The following CLSTN1 variants were observed in gnomAD, a reference collection of about 807,000 sequenced individuals.
CLSTN1 encodes the protein calsyntenin 1, also known as calsyntenin-1.
Under a neutral mutation model 108.3 loss-of-function variants are expected in CLSTN1, and 28 were observed. The ratio of observed to expected loss-of-function variants is 0.26; its 90% CI spans 0.19 to 0.35. CLSTN1 has a LOEUF of 0.35. Ranked by LOEUF, CLSTN1 falls within the 10% of genes least tolerant of loss-of-function variation. The pLI is 1.00. For missense variants in CLSTN1, 1,157 were observed against 1,302.6 expected (o/e 0.89, Z 1.72); for synonymous variants, 524 against 534.9 (o/e 0.98, Z 0.28).
intron 1 of CLSTN1, among the ~76,000 whole-genome samples, chr1:9,819,651 C>T (rs925968601): frequency 2.0e-5 from 3 of 152,046 alleles, no homozygotes; most frequent in African/African-American, 4.8e-5. Context: ...AGCCAAAGGA[C>T]GAATTCCAGC....
Position 9,735,532 on chromosome 1 carries a change from C to A in CLSTN1, c.1818G>T (p.Ser606=), listed in dbSNP as rs766359703. 2.5e-6 allele frequency: 4 copies of A among 1,614,016 alleles called. No individual in the cohort carries two copies. Among genetic ancestry groups the A allele is most frequent in the Non-Finnish European group, 3.4e-6 (4 of 1,180,022 alleles). The change falls in exon 13 of 19, where the codon TCG becomes TCT. Residue 606 remains serine (S), a synonymous_variant. Coordinates refer to ENST00000377298, the MANE Select transcript of CLSTN1 (RefSeq NM_001009566.3). ...TGGGGAACTGCCGGGAGTTCAGGTA[C>A]GAGATGTGCTGCATGGCCTTATCCA... The part of the protein sequence containing the change: ...GELDKAMQHI[S]YLNSRQFPTP...
chr1:9,780,564 T>G (rs1215546507), intron 1 of CLSTN1, among the ~76,000 whole-genome samples: 1 of 152,212 alleles, frequency 6.6e-6, no homozygotes, highest in Admixed American at 6.5e-5. Flanking sequence ...AAGCTGGCAG[T>G]AGAATGAGAT....
At chr1:9,770,391 CTT>C (rs1652613339) in intron 2 of CLSTN1, among the ~76,000 whole-genome samples, 1 of 152,168 alleles carries the variant, frequency 6.6e-6, no homozygotes, top group South Asian at 2.1e-4. Context: ...ATTGATAAGA[CTT>C]TTTCTTTCAA....
In CLSTN1 at chr1:9,734,390, C is replaced by T. The variant is rs1650571072; in HGVS notation, c.2111-248G>A. Among the ~76,000 whole-genome samples, 1 of 152,110 alleles carries T rather than the reference C, an allele frequency of 6.6e-6. No homozygotes were observed. The highest frequency in any genetic ancestry group is 6.6e-5 in the Admixed American group (1 of 15,264). ...AGGAGTTTGAGACCAGCCTGGCCAA[C>T]AGGGTGAAAGCCCGTCTCTACTAAA... On this transcript the variant is annotated intron_variant, in intron 14 of 18. Transcript: ENST00000377298. The surrounding 1 kb of genome is among the most constrained non-coding windows in gnomAD (Gnocchi z 4.8).
chr1:9,757,373 C>G (rs1651868862), intron 2 of CLSTN1, among the ~76,000 whole-genome samples: 1 of 151,186 alleles, frequency 6.6e-6, no homozygotes, highest in Non-Finnish European at 1.5e-5. Context: ...TCCCGAGTAG[C>G]TGGGACTACA....
chr1:9,808,860 C>A (rs1654615857), intron 1 of CLSTN1, among the ~76,000 whole-genome samples: 1 of 151,898 alleles, frequency 6.6e-6, no homozygotes, highest in South Asian at 2.1e-4. Flanking sequence ...GATAAGAGTA[C>A]AGCCGGGACT....
intron 1 of CLSTN1, among the ~76,000 whole-genome samples, chr1:9,809,850 G>A (rs558383340): frequency 7.4e-5 from 11 of 149,194 alleles, no homozygotes; most frequent in Non-Finnish European, 1.6e-4. Flanking sequence ...GCAGTGAACC[G>A]AGATCACACC....
rs753933555 is a variant in CLSTN1, at chr1:9,751,639, C to T, written c.483G>A (p.Ala161=). The change falls in exon 5 of 19, where the codon GCG becomes GCA. Residue 161 remains alanine (A), a synonymous_variant. Transcript: ENST00000377298. ...HIQVNDVNEY[A]PVFKEKSYKA... Reference sequence around the variant, plus strand: ...TGTAGGACTTCTCCTTGAACACGGGCGCGTACTCATTCACGTCGTTCACCT... The same window carrying T: ...TGTAGGACTTCTCCTTGAACACGGGTGCGTACTCATTCACGTCGTTCACCT... 13 of 1,613,974 alleles carry T rather than the reference C, an allele frequency of 8.1e-6. No individual in the cohort carries two copies. The Admixed American group carries it at 1.5e-4, about 19-fold the overall frequency.
intron 2 of CLSTN1, among the ~76,000 whole-genome samples, chr1:9,759,377 G>A (rs889707177): frequency 6.6e-6 from 1 of 152,076 alleles, no homozygotes; most frequent in Non-Finnish European, 1.5e-5. Flanking sequence ...CCGGGTTCAC[G>A]CCATTCTCCC....
intron 1 of CLSTN1, among the ~76,000 whole-genome samples, chr1:9,806,478 G>A (rs1289084875): frequency 2.6e-5 from 4 of 152,198 alleles, no homozygotes; most frequent in Admixed American, 2.6e-4. Flanking sequence ...GCAAATGTCT[G>A]CTGAATGAAT....
chr1:9,783,128 G>A (rs10864438), intron 1 of CLSTN1, among the ~76,000 whole-genome samples: 36,025 of 152,190 alleles, frequency 0.24, 7,490 homozygotes, highest in African/African-American at 0.56. Context: ...CCTGATATCA[G>A]TCAACCCAGT....
intron 2 of CLSTN1, among the ~76,000 whole-genome samples, chr1:9,764,294 C>T (rs1275303621): frequency 6.6e-6 from 1 of 151,676 alleles, no homozygotes; most frequent in Non-Finnish European, 1.5e-5. Flanking sequence ...GAAGGATTCA[C>T]CCCCTGTGAC....
At chr1:9,789,340 C>G (rs1037148665) in intron 1 of CLSTN1, among the ~76,000 whole-genome samples, 1 of 151,432 alleles carries the variant, frequency 6.6e-6, no homozygotes, top group Non-Finnish European at 1.5e-5. Context: ...ACCTCCTTCC[C>G]AGCACTTGTT....
intron 4 of CLSTN1, among the ~76,000 whole-genome samples, chr1:9,753,784 G>T (rs558047300): frequency 2.6e-5 from 4 of 152,280 alleles, no homozygotes; most frequent in African/African-American, 9.6e-5. Flanking sequence ...TGGGATTACA[G>T]GCGTGAGCCA....
At chr1:9,802,444 CATTAAA>C (rs916165312) in intron 1 of CLSTN1, among the ~76,000 whole-genome samples, 1 of 152,170 alleles carries the variant, frequency 6.6e-6, no homozygotes, top group Non-Finnish European at 1.5e-5. Flanking sequence ...GAGATGTTCA[CATTAAA>C]AAGTGCTACA....
Position 9,790,440 on chromosome 1 carries a change from T to G in CLSTN1, c.92-17046A>C, listed in dbSNP as rs148057793. ...GTATTGATTGGTGAATTATTGACTG[T>G]CAAATGTTGAAACAGTCTTATGTAT... is the stretch of plus-strand genomic sequence containing the variant. On this transcript the variant is annotated intron_variant, in intron 1 of 18. Coordinates refer to ENST00000377298, the MANE Select transcript of CLSTN1 (RefSeq NM_001009566.3). Among the ~76,000 whole-genome samples, 111 of 147,452 alleles carry G rather than the reference T, an allele frequency of 7.5e-4. 10 individuals carry two copies. The East Asian group carries it at 0.019, about 25-fold the overall frequency.
rs773397450 is a variant in CLSTN1, at chr1:9,731,814, C to T, written c.2510G>A (p.Arg837His). The T allele has an allele frequency of 1.9e-5, 30 of 1,614,010 alleles. 1 individual carries two copies. The South Asian group carries it at 2.0e-4, about 11-fold the overall frequency. Residue 837 changes from arginine (R) to histidine (H), a missense_variant, in exon 17 of 19, where the codon CGC (arginine) becomes CAC (histidine). Transcript: ENST00000377298. ...GTGGCCTGACAGGTCAACAAAGGAG[C>T]GGTGTTCCGGGTGCACGAACTGTGG... ...AQPQFVHPEH[R>H]SFVDLSGHNL...
At chr1:9,756,406 G>A (rs1355187591) in intron 3 of CLSTN1, 75 bp downstream of exon 3, 1 of 1,205,258 alleles carries the variant, frequency 8.3e-7, no homozygotes, top group Non-Finnish European at 1.2e-6. Context: ...TCCTGTTTAA[G>A]GGCTGATTCC....
intron 7 of CLSTN1, among the ~76,000 whole-genome samples, chr1:9,745,228 C>CAA (rs58703418): frequency 1.5e-4 from 16 of 109,372 alleles, no homozygotes; most frequent in South Asian, 3.0e-4. Context: ...GACTCCGTCT[C>CAA]AAAAAAAAAA....
Sources: allele counts gnomAD v4.1 joint callset (sites outside exome capture counted in the v4.1 genomes callset), GRCh38; gene constraint gnomAD v4.1.1; non-coding constraint Gnocchi (gnomAD v3.1); transcripts MANE v1.5; gene names NCBI Gene and HGNC (gene_info 2026-07-23, HGNC 2026-07-21).